Variants in CDH23 observed in about 807,000 individuals in gnomAD.
The protein encoded by CDH23 is cadherin related 23, also known as cadherin-23.
CDH23 carries 189 observed loss-of-function variants against 317.1 expected under a neutral mutation model. That is an observed-to-expected ratio of 0.60 (90% CI 0.53 to 0.67). The LOEUF (loss-of-function observed/expected upper bound fraction) is 0.67, where lower values mean the gene tolerates loss of function less well. Among genes scored for constraint, CDH23 ranks in the 30% least tolerant of loss-of-function variants. CDH23 has a pLI of 0.00. For synonymous variants in CDH23, 1,839 were observed against 1,876.8 expected (o/e 0.98, Z 0.52); for missense variants, 4,401 against 4,592.4 (o/e 0.96, Z 1.20).
At chr10:71,589,630 T>C (rs1859333077) in intron 9 of CDH23, among the ~76,000 whole-genome samples, 1 of 152,186 alleles carries the variant, frequency 6.6e-6, no homozygotes, top group Admixed American at 6.5e-5. Context: ...GGAAAGGGTT[T>C]GTTCTCCCCA....
intron 68 of CDH23, 75 bp downstream of exon 68, chr10:71,812,965 T>C (rs946295029): frequency 1.3e-6 from 2 of 1,581,556 alleles, no homozygotes; most frequent in Non-Finnish European, 8.6e-7. Flanking sequence ...CACAGGGTGG[T>C]AGAGACCTCC....
intron 11 of CDH23, among the ~76,000 whole-genome samples, chr10:71,627,371 GTGATGATGA>G (rs67455069): frequency 6.6e-6 from 1 of 151,138 alleles, no homozygotes; most frequent in South Asian, 2.1e-4. Flanking sequence ...GGCCCTTATT[GTGATGATGA>G]TGATGATGAT....
chr10:71,421,730 C>A (rs1848826657), intron 1 of CDH23, among the ~76,000 whole-genome samples: 1 of 151,932 alleles, frequency 6.6e-6, no homozygotes, highest in African/African-American at 2.4e-5. Context: ...ATATACTTGT[C>A]CTTAGTAAAG....
At position 71,704,896 on chromosome 10, in the gene CDH23, C is replaced by G; in HGVS notation, c.2734-15C>G. On this transcript the variant is annotated splice_polypyrimidine_tract_variant and intron_variant, in intron 24 of 69. Transcript: ENST00000224721. ...GTCCCCTCCCCACCCTCATGCTGCC[C>G]CTCCTTGCCCTCAGGTGGTGGCCAT... is the stretch of plus-strand genomic sequence containing the variant. 1 of 1,602,280 alleles carries G rather than the reference C, an allele frequency of 6.2e-7. No individual in the cohort carries two copies. Among genetic ancestry groups the G allele is most frequent in the Non-Finnish European group, 8.5e-7 (1 of 1,170,354 alleles).
At position 71,704,866 on chromosome 10, in the gene CDH23, C is replaced by A. The variant is rs562481438; in HGVS notation, c.2734-45C>A. Reference sequence around the variant, plus strand: ...ACTTCTTGGGGGAGAAGCATCCATCCCAGTGTCCCCTCCCCACCCTCATGC... The same window carrying A: ...ACTTCTTGGGGGAGAAGCATCCATCACAGTGTCCCCTCCCCACCCTCATGC... On this transcript the variant is annotated intron_variant, in intron 24 of 69. Transcript: ENST00000224721. The A allele has an allele frequency of 8.3e-6, 12 of 1,448,362 alleles. No individual in the cohort carries two copies. The East Asian group carries it at 2.5e-4, about 30-fold the overall frequency. 89.7% of individuals were successfully genotyped at this position (1,448,362 alleles called of 1,614,324 possible). A position where few individuals can be genotyped will look rare whatever the true frequency, so the allele number is the denominator to read the frequency against.
chr10:71,482,371 A>G (rs1750228194), intron 3 of CDH23, among the ~76,000 whole-genome samples: 1 of 151,902 alleles, frequency 6.6e-6, no homozygotes, highest in African/African-American at 2.4e-5. Context: ...TTGCAGGTCT[A>G]CCCCTCCCCA....
At chr10:71,661,021 C>T (rs992419660) in intron 14 of CDH23, among the ~76,000 whole-genome samples, 2 of 152,180 alleles carry the variant, frequency 1.3e-5, no homozygotes, top group African/African-American at 2.4e-5. Context: ...TAGATGAGAG[C>T]ACTGAGTTTC....
chr10:71,455,335 T>G (rs1469570795), intron 3 of CDH23, among the ~76,000 whole-genome samples: 1 of 152,094 alleles, frequency 6.6e-6, no homozygotes, highest in Non-Finnish European at 1.5e-5. Flanking sequence ...ATGCAAATTT[T>G]ATCAACTTTC....
chr10:71,743,063 C>T (rs1273161130), intron 38 of CDH23, among the ~76,000 whole-genome samples: 1 of 152,182 alleles, frequency 6.6e-6, no homozygotes, highest in African/African-American at 2.4e-5. Context: ...CAGAGGCGTG[C>T]AAGGCCTCTT....
rs980941152 is a variant in CDH23, at chr10:71,793,477, G to T, written c.6549G>T (p.Val2183=). Reference sequence around the variant, plus strand: ...TCAACCCCATCCAGACAGTGAGCGTGCTGGAGTCGGCTGAGCCAGGCACTG... The same window carrying T: ...TCAACCCCATCCAGACAGTGAGCGTTCTGGAGTCGGCTGAGCCAGGCACTG... The part of the protein sequence containing the change: ...EFLNPIQTVS[V]LESAEPGTVI... Residue 2183 remains valine (V), a synonymous_variant, in exon 48 of 70, where the codon GTG becomes GTT. Coordinates refer to ENST00000224721, the MANE Select transcript of CDH23 (RefSeq NM_022124.6). 8 of 1,613,914 alleles carry T rather than the reference G, an allele frequency of 5.0e-6. No individual in the cohort carries two copies. Among genetic ancestry groups the T allele is most frequent in the Non-Finnish European group, 6.8e-6 (8 of 1,179,906 alleles).
intron 26 of CDH23, among the ~76,000 whole-genome samples, chr10:71,708,416 G>T (rs750525034): frequency 6.6e-6 from 1 of 152,178 alleles, no homozygotes; most frequent in African/African-American, 2.4e-5. Flanking sequence ...CACACTGCTC[G>T]CCAGCTGGCA....
At chr10:71,588,071 G>A (rs1412092176) in intron 9 of CDH23, among the ~76,000 whole-genome samples, 1 of 152,140 alleles carries the variant, frequency 6.6e-6, no homozygotes, top group Non-Finnish European at 1.5e-5. Flanking sequence ...GGTGGGGGCC[G>A]TAGGAGGGAG....
intron 9 of CDH23, among the ~76,000 whole-genome samples, chr10:71,605,454 C>T (rs558060615): frequency 6.6e-6 from 1 of 152,294 alleles, no homozygotes; most frequent in East Asian, 1.9e-4. Context: ...TGCTGAACAA[C>T]TCACAATGCA....
intron 38 of CDH23, among the ~76,000 whole-genome samples, chr10:71,752,759 A>C (rs531403957): frequency 2.6e-5 from 4 of 152,148 alleles, no homozygotes; most frequent in Admixed American, 2.0e-4. Flanking sequence ...AGGTGGGTGC[A>C]TGACACATCT....
chr10:71,494,813 C>A (rs927261945), intron 3 of CDH23, among the ~76,000 whole-genome samples: 1 of 152,210 alleles, frequency 6.6e-6, no homozygotes, highest in Non-Finnish European at 1.5e-5. Flanking sequence ...GCACCCATAA[C>A]CCCCAGTTGA....
At chr10:71,725,547 T>G in intron 30 of CDH23, 27 bp downstream of exon 30, 1 of 1,606,020 alleles carries the variant, frequency 6.2e-7, no homozygotes, top group Non-Finnish European at 8.5e-7. Flanking sequence ...GCTGGGGTGC[T>G]GACCTCAGGA....
intron 9 of CDH23, among the ~76,000 whole-genome samples, chr10:71,590,051 G>A (rs888587907): frequency 6.6e-5 from 10 of 152,084 alleles, no homozygotes; most frequent in Admixed American, 4.6e-4. Flanking sequence ...TTTCTCCACC[G>A]CTCCCTGCCC....
chr10:71,446,621 C>T (rs1850184766), intron 3 of CDH23, among the ~76,000 whole-genome samples: 1 of 152,166 alleles, frequency 6.6e-6, no homozygotes, highest in Non-Finnish European at 1.5e-5. Context: ...TCAGATGCTC[C>T]ACTCCCACTT....
At chr10:71,632,622 G>T (rs1286062021) in intron 11 of CDH23, among the ~76,000 whole-genome samples, 1 of 152,092 alleles carries the variant, frequency 6.6e-6, no homozygotes, top group African/African-American at 2.4e-5. Flanking sequence ...GGGCAGGCTG[G>T]GGGAGGGGCT....
Sources: allele counts gnomAD v4.1 joint callset (sites outside exome capture counted in the v4.1 genomes callset), GRCh38; gene constraint gnomAD v4.1.1; transcripts MANE v1.5; gene names NCBI Gene and HGNC (gene_info 2026-07-23, HGNC 2026-07-21).